Variants in MYLK observed in about 807,000 individuals in gnomAD.
MYLK encodes the protein myosin light chain kinase, smooth muscle.
In MYLK, 106 loss-of-function variants were observed where a neutral mutation model predicts 203.4. The observed-to-expected ratio is 0.52, with a 90% CI of 0.45 to 0.61. The LOEUF is 0.61. Among genes scored for constraint, MYLK ranks in the 20% least tolerant of loss-of-function variants. The pLI, the probability that MYLK is intolerant of heterozygous loss-of-function variation, is 0.00. For synonymous variants in MYLK, 867 were observed against 959.5 expected, an observed-to-expected ratio of 0.90 and a Z score of 1.78; for missense variants, 2,072 against 2,442.3, an observed-to-expected ratio of 0.85 and a Z score of 3.20.
At position 123,629,552 on chromosome 3, in the gene MYLK, T is replaced by C; in HGVS notation, c.5036A>G (p.Asp1679Gly). Residue 1679 changes from aspartate to glycine, a missense_variant, in exon 30 of 34, where the codon GAC becomes GGC. This residue lies in a region of MYLK where 524 missense variants were observed against 782.4 expected (regional missense o/e 0.67). Coordinates refer to ENST00000360304, the MANE Select transcript of MYLK (RefSeq NM_053025.4). The surrounding 1 kb of genome is among the most constrained non-coding windows in gnomAD (Gnocchi z 4.4). ...CTCATCGAATGCCTCGTCGTCGAAG[T>C]CCCAGGTGGCTGAGGTAACGTTGGC... ...TLANVTSATW[D>G]FDDEAFDEIS... is the part of the protein sequence containing the mutation. 2 of 1,614,146 alleles carry C rather than the reference T, an allele frequency of 1.2e-6. No homozygotes were observed. The highest frequency in any genetic ancestry group is 1.7e-6 in the Non-Finnish European group (2 of 1,180,026).
chr3:123,725,417 T>C (rs1265654227), intron 12 of MYLK, among the ~76,000 whole-genome samples: 2 of 151,948 alleles, frequency 1.3e-5, no homozygotes, highest in African/African-American at 4.8e-5. Context: ...AAAAAAAGAG[T>C]TGGCGAGTCT....
chr3:123,618,577 T>C, intron 33 of MYLK, 62 bp downstream of exon 33: 1 of 1,608,586 alleles, frequency 6.2e-7, no homozygotes, highest in Non-Finnish European at 8.5e-7. Context: ...CGGTGCATGG[T>C]AGGGACTCTA....
At chr3:123,741,353 A>T (rs946065988) in intron 5 of MYLK, among the ~76,000 whole-genome samples, 1 of 152,260 alleles carries the variant, frequency 6.6e-6, no homozygotes, top group Non-Finnish European at 1.5e-5. Flanking sequence ...ATAATTGGTG[A>T]TTACGATACA....
chr3:123,685,927 C>T lies in MYLK; in HGVS notation c.3566-3617G>A, dbSNP rs543563890. Among the ~76,000 whole-genome samples the T allele has an allele frequency of 5.5e-4, 84 of 152,294 alleles. 1 individual carries two copies. In the South Asian group the frequency reaches 0.017, roughly 30 times the overall value. On this transcript the variant is annotated intron_variant, in intron 19 of 33. Transcript: ENST00000360304. ...TTTCAAACTAGGCACACCCCAGACT[C>T]GGAGCCCCAGGGGGTGGCCGCGCTC... is the stretch of plus-strand genomic sequence containing the variant.
chr3:123,820,580 T>C (rs1218010727), intron 3 of MYLK, among the ~76,000 whole-genome samples: 2 of 151,720 alleles, frequency 1.3e-5, no homozygotes, highest in African/African-American at 2.4e-5. Flanking sequence ...CAGATACCCA[T>C]GGACTATTCA....
chr3:123,674,395 G>A (rs2060009802), intron 20 of MYLK, among the ~76,000 whole-genome samples: 1 of 152,116 alleles, frequency 6.6e-6, no homozygotes. Flanking sequence ...CAAATATGAT[G>A]TCACTTCACT....
At chr3:123,620,699 T>C (rs1258287941) in intron 31 of MYLK, 2 of 1,031,448 alleles carry the variant, frequency 1.9e-6, no homozygotes, top group East Asian at 6.7e-5. Context: ...TATTGCTGAC[T>C]GGGCCTAGCG....
chr3:123,665,337 T>A (rs1315493042), intron 22 of MYLK, among the ~76,000 whole-genome samples: 1 of 152,206 alleles, frequency 6.6e-6, no homozygotes, highest in Non-Finnish European at 1.5e-5. Flanking sequence ...TGAAAAGTGA[T>A]GAGATTCCAT....
intron 2 of MYLK, among the ~76,000 whole-genome samples, chr3:123,859,990 A>C (rs1343398453): frequency 1.3e-5 from 2 of 152,100 alleles, no homozygotes; most frequent in South Asian, 2.1e-4. Context: ...CCCCCTCAGA[A>C]GGAAGGAAAA....
chr3:123,647,912 C>T, intron 26 of MYLK, among the ~76,000 whole-genome samples: 1 of 152,128 alleles, frequency 6.6e-6, no homozygotes, highest in South Asian at 2.1e-4. Context: ...GGCATCTCTT[C>T]CCCTCCCTGC....
At chr3:123,725,277 A>T (rs1475528185) in intron 12 of MYLK, among the ~76,000 whole-genome samples, 1 of 152,138 alleles carries the variant, frequency 6.6e-6, no homozygotes, top group Non-Finnish European at 1.5e-5. Context: ...GCTCCATCTT[A>T]TCAGTTTAAT....
In MYLK at chr3:123,737,400, C is replaced by T. The variant is rs1465816836; in HGVS notation, c.732G>A (p.Met244Ile). The change falls in exon 8 of 34, where the codon ATG becomes ATA. Residue 244 changes from methionine (M) to isoleucine (I), a missense_variant. Met to Ile is a conservative substitution (Grantham distance 10, BLOSUM62 1). Transcript: ENST00000360304. ...LVVNGSGKAS[M>I]SAELSIQGLD... ...TACCTTGGATGGAAAGTTCAGCTGA[C>T]ATCGAGGCCTTCCCCGACCCGTTCA... 3.1e-6 allele frequency: 5 copies of T among 1,614,062 alleles called. No homozygotes were observed.
Position 123,733,079 on chromosome 3 carries a change from C to G in MYLK, c.1333G>C (p.Val445Leu). ...GGGGTGCCTTCCAGGAACCAGGCCA[C>G]TTCAGGCTTTGGAATCCCGGAAACT... ...CEVSGIPKPE[V>L]AWFLEGTPVR... Residue 445 changes from valine (V) to leucine (L), a missense_variant, in exon 11 of 34, where the codon GTG (valine) becomes CTG (leucine). By Grantham distance (32) the Val-to-Leu change is conservative. Transcript: ENST00000360304. 1 of 1,614,002 alleles carries G rather than the reference C, an allele frequency of 6.2e-7. No homozygotes were observed. Among genetic ancestry groups the G allele is most frequent in the Non-Finnish European group, 8.5e-7 (1 of 1,179,996 alleles).
intron 19 of MYLK, among the ~76,000 whole-genome samples, chr3:123,687,585 TTTC>T (rs2060500141): frequency 6.6e-6 from 1 of 151,864 alleles, no homozygotes; most frequent in African/African-American, 2.4e-5. Context: ...CCTTCCTTCC[TTTC>T]TTCCTTCCTT....
At chr3:123,793,918 G>A in intron 3 of MYLK, 74 bp from the exon 4 acceptor site, 1 of 1,562,754 alleles carries the variant, frequency 6.4e-7, no homozygotes. Context: ...GGCATCAGGT[G>A]TGTCCAGTCT....
chr3:123,680,505 A>G (rs1401726676), intron 20 of MYLK, among the ~76,000 whole-genome samples: 1 of 152,234 alleles, frequency 6.6e-6, no homozygotes, highest in Admixed American at 6.5e-5. Flanking sequence ...TTATTAACCC[A>G]TTCTCACCAG....
chr3:123,674,814 G>C (rs2060022250), intron 20 of MYLK, among the ~76,000 whole-genome samples: 1 of 152,230 alleles, frequency 6.6e-6, no homozygotes. Context: ...GGTCGCCCCA[G>C]CTCATGCACC....
intron 9 of MYLK, chr3:123,734,832 C>A: frequency 5.8e-6 from 1 of 171,440 alleles, no homozygotes; most frequent in Admixed American, 5.5e-5. Context: ...TTTTCTTCAC[C>A]AGCTAACATT....
chr3:123,632,605 A>T (rs1275021340), intron 29 of MYLK, among the ~76,000 whole-genome samples: 1 of 152,098 alleles, frequency 6.6e-6, no homozygotes, highest in East Asian at 1.9e-4. Flanking sequence ...TTGCCTGCCC[A>T]AGTTCCCCCA....
Sources: allele counts gnomAD v4.1 joint callset (sites outside exome capture counted in the v4.1 genomes callset), GRCh38; gene constraint gnomAD v4.1.1; regional missense constraint gnomAD v4.1.1; non-coding constraint Gnocchi (gnomAD v3.1); transcripts MANE v1.5; gene names NCBI Gene and HGNC (gene_info 2026-07-23, HGNC 2026-07-21).